The following UGT8 variants were observed in gnomAD, a reference collection of about 807,000 sequenced individuals.
The protein encoded by UGT8 is UDP glycosyltransferase 8, also known as 2-hydroxyacylsphingosine 1-beta-galactosyltransferase.
In UGT8, 12 loss-of-function variants were observed where a neutral mutation model predicts 40.5. That is an observed-to-expected ratio of 0.30 (90% CI 0.19 to 0.48). UGT8 has a LOEUF of 0.48. Ranked by LOEUF, UGT8 falls within the 20% of genes least tolerant of loss-of-function variation. UGT8 has a pLI of 0.99. For missense variants in UGT8, 513 were observed against 648.7 expected, an observed-to-expected ratio of 0.79 and a Z score of 2.27; for synonymous variants, 224 against 240.4, an observed-to-expected ratio of 0.93 and a Z score of 0.63.
chr4:114,662,002 C>G (rs79341453), intron 2 of UGT8, among the ~76,000 whole-genome samples: 3,237 of 152,202 alleles, frequency 0.021, 58 homozygotes, highest in Non-Finnish European at 0.032. Flanking sequence ...TTATTTCAAT[C>G]TACGGATAAC....
Position 114,639,499 on chromosome 4 carries a change from G to A in UGT8, c.822+15797G>A, listed in dbSNP as rs1161829992. Among the ~76,000 whole-genome samples the A allele has an allele frequency of 1.8e-4, 28 of 152,182 alleles. 1 individual carries two copies. Among genetic ancestry groups the A allele is most frequent in the Admixed American group, 1.8e-3 (28 of 15,280 alleles). ...TGGCCTTTAGTTAATTTGTAATGAA[G>A]AATCTGTGTTTTGTAATCTTTCCCA... On this transcript the variant is annotated intron_variant, in intron 2 of 5. Transcript: ENST00000310836.
At chr4:114,643,675 G>C (rs1002088638) in intron 2 of UGT8, among the ~76,000 whole-genome samples, 1 of 152,058 alleles carries the variant, frequency 6.6e-6, no homozygotes, top group Non-Finnish European at 1.5e-5. Context: ...TGCATTTGTA[G>C]TTTTTACATC....
At chr4:114,651,190 C>T (rs967690979) in intron 2 of UGT8, among the ~76,000 whole-genome samples, 5 of 151,962 alleles carry the variant, frequency 3.3e-5, no homozygotes, top group African/African-American at 9.7e-5. Flanking sequence ...AAAATTACTT[C>T]CTCATTTTTT....
At chr4:114,670,251 GA>G (rs776157072) in intron 5 of UGT8, among the ~76,000 whole-genome samples, 24 of 151,824 alleles carry the variant, frequency 1.6e-4, no homozygotes, top group Non-Finnish European at 2.5e-4. Flanking sequence ...CTAACATGGT[GA>G]AACCCCATCT....
chr4:114,647,356 T>TTTTG (rs1733634716), intron 2 of UGT8, among the ~76,000 whole-genome samples: 1 of 143,200 alleles, frequency 7.0e-6, no homozygotes, highest in Non-Finnish European at 1.5e-5. Flanking sequence ...ATTAGCTCTT[T>TTTTG]TGTGTGTGTG....
chr4:114,620,385 C>G (rs1220370785), intron 1 of UGT8, among the ~76,000 whole-genome samples: 1 of 152,150 alleles, frequency 6.6e-6, no homozygotes, highest in African/African-American at 2.4e-5. Context: ...GTTCATATTT[C>G]CTTGTAAAAT....
chr4:114,639,157 T>A (rs963689515), intron 2 of UGT8, among the ~76,000 whole-genome samples: 1 of 152,236 alleles, frequency 6.6e-6, no homozygotes, highest in African/African-American at 2.4e-5. Context: ...CAATGTCCTT[T>A]CCATTTGTGA....
Position 114,668,857 on chromosome 4 carries a change from C to A in UGT8, c.1262+553C>A, listed in dbSNP as rs544001422. The stretch of plus-strand genomic sequence containing the variant: ...ACTCAGGTGAATGATGAAGCAGAAT[C>A]TTTATTTTGCTTTTTAAATTATTGA... On this transcript the variant is annotated intron_variant, in intron 5 of 5. Coordinates refer to ENST00000310836, the MANE Select transcript of UGT8 (RefSeq NM_001128174.3). 5.3e-5 allele frequency among the ~76,000 whole-genome samples: 8 copies of A among 152,234 alleles called. 1 individual carries two copies. In the East Asian group the frequency reaches 1.5e-3, roughly 29 times the overall value.
intron 2 of UGT8, among the ~76,000 whole-genome samples, chr4:114,651,513 A>G (rs1470315627): frequency 6.6e-6 from 1 of 152,030 alleles, no homozygotes; most frequent in Admixed American, 6.6e-5. Context: ...TATATACACC[A>G]CTTCTGCCTT....
Position 114,665,726 on chromosome 4 carries a change from A to G in UGT8, c.1012A>G (p.Ile338Val), listed in dbSNP as rs559172034. Reference protein sequence around the residue: ...PKNLGNNTKLIEWLPQNDLLG... With the variant: ...PKNLGNNTKLVEWLPQNDLLG... ...GAATCTAGGAAACAACACTAAACTCATAGAATGGTTACCACAAAATGACCT... is the reference window on the plus strand; with the variant it reads ...GAATCTAGGAAACAACACTAAACTCGTAGAATGGTTACCACAAAATGACCT... The change falls in exon 4 of 6, where the codon ATA (isoleucine) becomes GTA (valine). Residue 338 changes from isoleucine to valine, a missense_variant. Physicochemically the swap from Ile to Val is conservative, Grantham distance 29 (BLOSUM62 3). Coordinates refer to ENST00000310836, the MANE Select transcript of UGT8 (RefSeq NM_001128174.3). 2 of 1,610,988 alleles carry G rather than the reference A, an allele frequency of 1.2e-6. No homozygotes were observed. Among genetic ancestry groups the G allele is most frequent in the Non-Finnish European group, 1.7e-6 (2 of 1,178,678 alleles).
In UGT8 at chr4:114,668,129, A is replaced by G. The variant is rs769980791; in HGVS notation, c.1087A>G (p.Ser363Gly). 4.0e-5 allele frequency: 64 copies of G among 1,613,724 alleles called. No individual in the cohort carries two copies. The highest frequency in any genetic ancestry group is 5.4e-5 in the Non-Finnish European group (64 of 1,179,796). The change falls in exon 5 of 6, where the codon AGT (serine) becomes GGT (glycine). Residue 363 changes from serine to glycine, a missense_variant. By Grantham distance (56) the Ser-to-Gly change is moderately conservative (BLOSUM62 0). Around this residue, in one of 3 missense-constraint regions of UGT8, gnomAD observed 335 missense variants for 444.8 expected, o/e 0.75. Coordinates refer to ENST00000310836, the MANE Select transcript of UGT8 (RefSeq NM_001128174.3). ...KAFLSHGGLNSIFETIYHGVP... is the reference protein window; with the variant it reads ...KAFLSHGGLNGIFETIYHGVP... ...CTTCCTGAGCCATGGTGGTTTGAAC[A>G]GTATTTTTGAAACTATATATCATGG...
intron 2 of UGT8, among the ~76,000 whole-genome samples, chr4:114,656,449 G>A (rs1476617643): frequency 1.3e-5 from 2 of 152,086 alleles, no homozygotes; most frequent in Non-Finnish European, 2.9e-5. Flanking sequence ...GGAAACGACA[G>A]TGTTATTTAT....
chr4:114,642,045 C>A (rs1004595021), intron 2 of UGT8, among the ~76,000 whole-genome samples: 4 of 151,950 alleles, frequency 2.6e-5, no homozygotes, highest in Admixed American at 2.0e-4. Context: ...GCTTATTATC[C>A]TTGTAAAGTA....
At chr4:114,610,586 A>G (rs1023764276) in intron 1 of UGT8, among the ~76,000 whole-genome samples, 2 of 152,036 alleles carry the variant, frequency 1.3e-5, no homozygotes, top group Non-Finnish European at 2.9e-5. Flanking sequence ...AACTATCAAA[A>G]TTTTTCCACT....
chr4:114,604,455 T>G (rs1730615682), intron 1 of UGT8, among the ~76,000 whole-genome samples: 1 of 134,668 alleles, frequency 7.4e-6, no homozygotes, highest in African/African-American at 3.2e-5. Flanking sequence ...GAGGTTTGTT[T>G]GCTTTTTTTT....
At position 114,622,790 on chromosome 4, in the gene UGT8, TA is replaced by T. The variant is rs1274777468; in HGVS notation, c.-2-88del. The T allele has an allele frequency of 2.5e-6, 3 of 1,195,478 alleles. No homozygotes were observed. In the African/African-American group the frequency reaches 4.6e-5, roughly 18 times the overall value. 74.1% of individuals were successfully genotyped at this position (1,195,478 alleles called of 1,614,324 possible). A position where few individuals can be genotyped will look rare whatever the true frequency, so the allele number is the denominator to read the frequency against. On this transcript the variant is annotated intron_variant, in intron 1 of 5. Transcript: ENST00000310836. ...TTTTTAGACAAAGTATTAGATCAGA[TA>T]TTTTTGGGGAAAAATGCTTTGTGAT...
In UGT8 at chr4:114,675,963, A is replaced by C; in HGVS notation, c.1301A>C (p.Lys434Thr). 1 of 1,613,902 alleles carries C rather than the reference A, an allele frequency of 6.2e-7. No individual in the cohort carries two copies. Among genetic ancestry groups the C allele is most frequent in the Non-Finnish European group, 8.5e-7 (1 of 1,179,846 alleles). ...QRAQKLSEIHKDQPGHPVNRT... is the reference protein window; with the variant it reads ...QRAQKLSEIHTDQPGHPVNRT... ...GCTCAGAAGCTTTCGGAAATTCACA[A>C]GGATCAACCTGGTCACCCTGTCAAT... The change falls in exon 6 of 6, where the codon AAG (lysine) becomes ACG (threonine). Residue 434 changes from lysine to threonine, a missense_variant. Physicochemically the swap from Lys to Thr is moderately conservative, Grantham distance 78. Around this residue, in one of 3 missense-constraint regions of UGT8, gnomAD observed 175 missense variants for 186.7 expected, o/e 0.94. Coordinates refer to ENST00000310836, the MANE Select transcript of UGT8 (RefSeq NM_001128174.3).
chr4:114,604,945 G>T (rs1232521611), intron 1 of UGT8, among the ~76,000 whole-genome samples: 2 of 151,552 alleles, frequency 1.3e-5, no homozygotes, highest in South Asian at 2.1e-4. Flanking sequence ...AGTCCTTCAC[G>T]ATTTATGGCC....
intron 1 of UGT8, among the ~76,000 whole-genome samples, chr4:114,613,630 T>C (rs1731218673): frequency 6.6e-6 from 1 of 152,186 alleles, no homozygotes. Flanking sequence ...GTCTCGATAG[T>C]TGGATCCACA....
Sources: allele counts gnomAD v4.1 joint callset (sites outside exome capture counted in the v4.1 genomes callset), GRCh38; gene constraint gnomAD v4.1.1; regional missense constraint gnomAD v4.1.1; transcripts MANE v1.5; gene names NCBI Gene and HGNC (gene_info 2026-07-23, HGNC 2026-07-21).